ZNF208: variants seen among roughly 807,000 people sequenced by gnomAD.
The protein encoded by ZNF208 is zinc finger protein 208.
ZNF208 carries 10 observed loss-of-function variants against 12.1 expected under a neutral mutation model. The observed-to-expected ratio is 0.83, with a 90% CI of 0.51 to 1.40. The LOEUF is 1.40. Among genes scored for constraint, ZNF208 ranks in the 40% most tolerant of loss-of-function variants. The pLI, the probability that ZNF208 is intolerant of heterozygous loss-of-function variation, is 0.00. For synonymous variants in ZNF208, 497 were observed against 488.4 expected (o/e 1.02, Z -0.23); for missense variants, 1,652 against 1,485.0 (o/e 1.11, Z -1.85).
In ZNF208 at chr19:21,972,105, C is replaced by T; in HGVS notation, c.2929G>A (p.Glu977Lys). Residue 977 changes from glutamate to lysine, a missense_variant, in exon 4 of 4, where the codon GAA becomes AAA. Physicochemically the swap from Glu to Lys is moderately conservative, Grantham distance 56 (BLOSUM62 1). Coordinates refer to ENST00000397126, the MANE Select transcript of ZNF208 (RefSeq NM_007153.3). ...HTEEKPYKYE[E>K]CGKGFSTFSI... is the part of the protein sequence containing the mutation. ...AATGTACTAAAGCCTTTGCCACATT[C>T]TTCATATTTGTAAGGTTTCTCTTCA... 1 of 1,613,278 alleles carries T rather than the reference C, an allele frequency of 6.2e-7. No individual in the cohort carries two copies. The highest frequency in any genetic ancestry group is 8.5e-7 in the Non-Finnish European group (1 of 1,179,766).
chr19:22,003,908 C>T (rs2158106), intron 1 of ZNF208, among the ~76,000 whole-genome samples: 49,047 of 151,932 alleles, frequency 0.32, 9,500 homozygotes, highest in East Asian at 0.48. Flanking sequence ...TGTTGGCACA[C>T]GTCTGTAATC....
chr19:22,003,111 A>C (rs1219267737), intron 1 of ZNF208, among the ~76,000 whole-genome samples: 2 of 152,212 alleles, frequency 1.3e-5, no homozygotes, highest in Non-Finnish European at 2.9e-5. Flanking sequence ...TTCCTATTTA[A>C]TAAATGGTGC....
chr19:21,997,259 T>C (rs571754346), intron 1 of ZNF208, among the ~76,000 whole-genome samples: 10 of 152,230 alleles, frequency 6.6e-5, no homozygotes, highest in Non-Finnish European at 1.2e-4. Context: ...ATGTCATACA[T>C]AGTTCATCCT....
intron 1 of ZNF208, among the ~76,000 whole-genome samples, chr19:22,005,248 G>T (rs1306878022): frequency 6.6e-6 from 1 of 152,176 alleles, no homozygotes; most frequent in Non-Finnish European, 1.5e-5. Context: ...TGTCAAGTGG[G>T]TGTTTGTGAG....
intron 4 of ZNF208, among the ~76,000 whole-genome samples, chr19:21,943,016 T>C (rs1969765525): frequency 6.6e-6 from 1 of 152,192 alleles, no homozygotes; most frequent in African/African-American, 2.4e-5. Flanking sequence ...AAGTTGCTTG[T>C]AGTAACTCGA....
chr19:21,955,211 G>A (rs927197440), intron 4 of ZNF208, among the ~76,000 whole-genome samples: 1 of 152,170 alleles, frequency 6.6e-6, no homozygotes, highest in African/African-American at 2.4e-5. Flanking sequence ...TTAGCCTGAT[G>A]GGCTTCCATT....
intron 4 of ZNF208, among the ~76,000 whole-genome samples, chr19:21,952,607 A>G (rs1969907774): frequency 6.6e-6 from 1 of 152,244 alleles, no homozygotes. Context: ...ACCAGCAAAC[A>G]GAAAGGAATA....
Position 22,010,927 on chromosome 19 carries a change from G to T in ZNF208, c.-133C>A. The T allele has an allele frequency of 1.5e-6, 2 of 1,354,266 alleles. No individual in the cohort carries two copies. Among genetic ancestry groups the T allele is most frequent in the South Asian group, 1.2e-5 (1 of 81,224 alleles). The allele number at this position is 1,354,266 out of a possible 1,614,324, so 83.9% of individuals were successfully genotyped here. ...AAGGACGAGACCTTGACCTCCGGCT[G>T]CAGCGAGAGACAAAGGACCGACCAC... On this transcript the variant is annotated 5_prime_UTR_variant, in exon 1 of 4. Transcript: ENST00000397126.
At chr19:22,007,266 T>A (rs1222802147) in intron 1 of ZNF208, among the ~76,000 whole-genome samples, 1 of 152,034 alleles carries the variant, frequency 6.6e-6, no homozygotes, top group African/African-American at 2.4e-5. Flanking sequence ...ATGCCTGTAA[T>A]CCCAGCACTT....
At chr19:21,945,097 T>G (rs1969796406) in intron 4 of ZNF208, among the ~76,000 whole-genome samples, 2 of 152,138 alleles carry the variant, frequency 1.3e-5, no homozygotes, top group South Asian at 4.1e-4. Context: ...ATGTGAAAAA[T>G]GAACAAGCAT....
At chr19:21,996,489 C>T (rs1278088295) in intron 1 of ZNF208, among the ~76,000 whole-genome samples, 6 of 152,078 alleles carry the variant, frequency 3.9e-5, no homozygotes, top group East Asian at 1.9e-4. Context: ...AGGAGAAAAA[C>T]GTAATTGTGC....
chr19:21,952,578 G>A (rs993902949), intron 4 of ZNF208, among the ~76,000 whole-genome samples: 1 of 152,202 alleles, frequency 6.6e-6, no homozygotes, highest in African/African-American at 2.4e-5. Flanking sequence ...CTGAAGCTGA[G>A]AGACCTGTTA....
intron 3 of ZNF208, among the ~76,000 whole-genome samples, chr19:21,982,754 G>A (rs1212131480): frequency 1.3e-5 from 2 of 152,150 alleles, no homozygotes; most frequent in Admixed American, 6.5e-5. Flanking sequence ...ACAAAAGCAA[G>A]CAATGGGAAA....
chr19:21,961,012 C>A (rs1970058057), intron 4 of ZNF208, among the ~76,000 whole-genome samples: 1 of 152,126 alleles, frequency 6.6e-6, no homozygotes, highest in Admixed American at 6.5e-5. Context: ...GCTACCAATG[C>A]CAATGAATAA....
chr19:21,991,529 T>C (rs939400276), intron 1 of ZNF208: 2 of 151,660 alleles, frequency 1.3e-5, no homozygotes, highest in African/African-American at 4.8e-5. Context: ...TCACCTGAGG[T>C]CGGGAGTTCG....
chr19:21,974,727 A>C lies in ZNF208; in HGVS notation c.307T>G (p.Tyr103Asp). Residue 103 changes from tyrosine (Y) to aspartate (D), a missense_variant, in exon 4 of 4, where the codon TAT (tyrosine) becomes GAT (aspartate). Tyr to Asp is a radical substitution (Grantham distance 160). Coordinates refer to ENST00000397126, the MANE Select transcript of ZNF208 (RefSeq NM_007153.3). ...AAATTCTCATGTCCACATTTTTCATACCTTCTCAATATCACTTTTTGGAAA... is the reference window on the plus strand; with the variant it reads ...AAATTCTCATGTCCACATTTTTCATCCCTTCTCAATATCACTTTTTGGAAA... ...DSFQKVILRR[Y>D]EKCGHENLHL... The C allele has an allele frequency of 6.2e-7, 1 of 1,613,046 alleles. No individual in the cohort carries two copies. The highest frequency in any genetic ancestry group is 8.5e-7 in the Non-Finnish European group (1 of 1,179,554).
rs574131109 is a variant in ZNF208, at chr19:21,997,041, G to A, written c.4-8132C>T. On this transcript the variant is annotated intron_variant, in intron 1 of 3. Coordinates refer to ENST00000397126, the MANE Select transcript of ZNF208 (RefSeq NM_007153.3). ...CACCTTATGTGTTTGTATTATGTCT[G>A]GTAATTCTAGACAAGGTTTGGGAAA... Among the ~76,000 whole-genome samples the A allele has an allele frequency of 7.2e-4, 109 of 152,240 alleles. 1 individual carries two copies. The highest frequency in any genetic ancestry group is 9.9e-4 in the Non-Finnish European group (67 of 68,004).
At position 21,976,218 on chromosome 19, in the gene ZNF208, C is replaced by T. The variant is rs117389252; in HGVS notation, c.227-1411G>A. Among the ~76,000 whole-genome samples the T allele has an allele frequency of 6.0e-3, 916 of 152,218 alleles. 5 individuals carry two copies. Among genetic ancestry groups the T allele is most frequent in the Non-Finnish European group, 0.01 (712 of 68,000 alleles). On this transcript the variant is annotated intron_variant, in intron 3 of 3. Coordinates refer to ENST00000397126, the MANE Select transcript of ZNF208 (RefSeq NM_007153.3). ...CATAAATCAATAAACTTAGCAACAT[C>T]GGTGACAAATTTAAGAGCAGACATA...
chr19:21,995,413 CGA>C (rs1481996339), intron 1 of ZNF208, among the ~76,000 whole-genome samples: 1 of 152,150 alleles, frequency 6.6e-6, no homozygotes, highest in African/African-American at 2.4e-5. Flanking sequence ...GAAACAAACA[CGA>C]GATGACTCAT....
Sources: gnomAD v4.1 joint callset for allele counts (sites outside exome capture counted in the v4.1 genomes callset) on GRCh38, gnomAD v4.1.1 for gene constraint, MANE v1.5 for transcripts, NCBI Gene and HGNC (gene_info 2026-07-23, HGNC 2026-07-21) for gene names.